The following ELMOD1 variants were observed in gnomAD, a reference collection of about 807,000 sequenced individuals.
The protein encoded by ELMOD1 is ELMO domain-containing protein 1.
In ELMOD1, 21 loss-of-function variants were observed where a neutral mutation model predicts 46.7. That is an observed-to-expected ratio of 0.45 (90% CI 0.32 to 0.65). The LOEUF (loss-of-function observed/expected upper bound fraction) is 0.65. Ranked by LOEUF, ELMOD1 falls within the 30% of genes least tolerant of loss-of-function variation. The pLI, the probability that ELMOD1 is intolerant of heterozygous loss-of-function variation, is 0.04. For synonymous variants in ELMOD1, 122 were observed against 138.2 expected (o/e 0.88, Z 0.82); for missense variants, 348 against 407.8 (o/e 0.85, Z 1.26).
At chr11:107,624,974 A>G (rs1365959802) in intron 2 of ELMOD1, among the ~76,000 whole-genome samples, 3 of 152,060 alleles carry the variant, frequency 2.0e-5, no homozygotes, top group Non-Finnish European at 4.4e-5. Flanking sequence ...ATGTGAAAAA[A>G]CCACAGGGCC....
intron 11 of ELMOD1, among the ~76,000 whole-genome samples, chr11:107,657,108 T>C (rs1866647971): frequency 1.3e-5 from 2 of 151,844 alleles, no homozygotes; most frequent in African/African-American, 4.8e-5. Context: ...CACACCAAGG[T>C]TCTAATCATT....
At chr11:107,609,958 T>C (rs1318310940) in intron 1 of ELMOD1, among the ~76,000 whole-genome samples, 3 of 152,140 alleles carry the variant, frequency 2.0e-5, no homozygotes, top group African/African-American at 7.2e-5. Flanking sequence ...AATTGGGAGA[T>C]TTGCAGTTTG....
chr11:107,613,865 A>G (rs774752776), intron 1 of ELMOD1, among the ~76,000 whole-genome samples: 4 of 152,222 alleles, frequency 2.6e-5, no homozygotes, highest in Admixed American at 1.3e-4. Flanking sequence ...CTTCTGAACT[A>G]TGGTTTTAAT....
intron 1 of ELMOD1, among the ~76,000 whole-genome samples, chr11:107,595,227 A>G (rs1865473181): frequency 6.6e-6 from 1 of 151,318 alleles, no homozygotes; most frequent in South Asian, 2.1e-4. Flanking sequence ...TTAAATTTCC[A>G]CTTCAATTTT....
At chr11:107,597,098 A>G (rs1470701659) in intron 1 of ELMOD1, among the ~76,000 whole-genome samples, 1 of 152,182 alleles carries the variant, frequency 6.6e-6, no homozygotes, top group African/African-American at 2.4e-5. Context: ...GGTCTACCTT[A>G]CAGCTCTTTA....
intron 1 of ELMOD1, among the ~76,000 whole-genome samples, chr11:107,599,753 A>G (rs1466246444): frequency 7.4e-6 from 1 of 134,426 alleles, no homozygotes; most frequent in Non-Finnish European, 1.5e-5. Flanking sequence ...AAAAAAAAAG[A>G]AAAAAAGAAA....
intron 1 of ELMOD1, among the ~76,000 whole-genome samples, chr11:107,607,495 A>G (rs1433978168): frequency 6.6e-6 from 1 of 152,034 alleles, no homozygotes; most frequent in Non-Finnish European, 1.5e-5. Flanking sequence ...TGTTTCTACA[A>G]AAAAATACAA....
intron 6 of ELMOD1, among the ~76,000 whole-genome samples, chr11:107,638,652 G>T (rs1866269084): frequency 6.6e-6 from 1 of 152,162 alleles, no homozygotes; most frequent in East Asian, 1.9e-4. Context: ...ACTGTTTAGA[G>T]CAAAAGTCAG....
rs190904562 is a variant in ELMOD1 at position 107,593,740 on chromosome 11, C to T, written c.-86+2331C>T. ...CCTATGTCCCATGTAATATTTGGTA[C>T]GAACTTATACTACAAAATATTATTA... On this transcript the variant is annotated intron_variant, in intron 1 of 11. Coordinates refer to ENST00000265840, the MANE Select transcript of ELMOD1 (RefSeq NM_018712.4). Among the ~76,000 whole-genome samples, 324 of 152,232 alleles carry T rather than the reference C, an allele frequency of 2.1e-3. 1 individual carries two copies. Among genetic ancestry groups the T allele is most frequent in the African/African-American group, 7.5e-3 (311 of 41,540 alleles).
chr11:107,629,773 T>A (rs1053845152), intron 2 of ELMOD1, among the ~76,000 whole-genome samples: 1 of 152,090 alleles, frequency 6.6e-6, no homozygotes, highest in Non-Finnish European at 1.5e-5. Flanking sequence ...AAATCAAAGG[T>A]CAAGGGTGCT....
intron 1 of ELMOD1, among the ~76,000 whole-genome samples, chr11:107,605,702 A>C (rs1480928805): frequency 2.0e-5 from 3 of 152,158 alleles, no homozygotes; most frequent in Non-Finnish European, 4.4e-5. Flanking sequence ...ACTCTGGATG[A>C]GTGTTTTATT....
intron 1 of ELMOD1, among the ~76,000 whole-genome samples, chr11:107,608,718 A>T (rs2135663343): frequency 6.6e-6 from 1 of 152,302 alleles, no homozygotes; most frequent in Middle Eastern, 3.4e-3. Context: ...AAACTTCTAG[A>T]TCTGTAATAC....
In ELMOD1 at chr11:107,621,121, A is replaced by C. The variant is rs1865940524; in HGVS notation, c.17+2915A>C. Among the ~76,000 whole-genome samples the C allele has an allele frequency of 2.0e-5, 3 of 152,262 alleles. No homozygotes were observed. In the South Asian group the frequency reaches 6.2e-4, roughly 31 times the overall value. On this transcript the variant is annotated intron_variant, in intron 2 of 11. Transcript: ENST00000265840. ...TGAGGTTATATTTTTTAAAGTTATC[A>C]GAACATGATTAATTTTGGAAATTAA...
chr11:107,647,833 T>A (rs1351109772), intron 7 of ELMOD1, among the ~76,000 whole-genome samples: 1 of 152,156 alleles, frequency 6.6e-6, no homozygotes, highest in Admixed American at 6.6e-5. Flanking sequence ...ATTTAAAAAA[T>A]TGTTTTATTA....
intron 1 of ELMOD1, among the ~76,000 whole-genome samples, chr11:107,602,387 C>G (rs1865615369): frequency 6.6e-6 from 1 of 152,056 alleles, no homozygotes; most frequent in Non-Finnish European, 1.5e-5. Context: ...GGAGAGTTTC[C>G]TGTATTATTT....
intron 7 of ELMOD1, among the ~76,000 whole-genome samples, chr11:107,649,401 A>G (rs1591133240): frequency 6.6e-6 from 1 of 152,346 alleles, no homozygotes; most frequent in East Asian, 1.9e-4. Flanking sequence ...GATAAGCCCC[A>G]TAAACAAAGT....
Position 107,662,478 on chromosome 11 carries a change from C to T in ELMOD1, c.833-2547C>T, listed in dbSNP as rs193188716. Among the ~76,000 whole-genome samples, 689 of 149,612 alleles carry T rather than the reference C, an allele frequency of 4.6e-3. 7 individuals are homozygous for T. The highest frequency in any genetic ancestry group is 6.7e-3 in the Non-Finnish European group (458 of 67,934). On this transcript the variant is annotated intron_variant, in intron 11 of 11. Transcript: ENST00000265840. ...ATACAAAATCAGCCAGGCGTGGTGG[C>T]GCATGCCTGTAATCCCAGCTACTCA...
At chr11:107,615,790 T>C (rs1865852247) in intron 1 of ELMOD1, among the ~76,000 whole-genome samples, 1 of 152,058 alleles carries the variant, frequency 6.6e-6, no homozygotes. Context: ...TGAGGGGTAC[T>C]GATTAGATAT....
chr11:107,611,085 C>T lies in ELMOD1; in HGVS notation c.-85-7020C>T, dbSNP rs372971016. On this transcript the variant is annotated intron_variant, in intron 1 of 11. Coordinates refer to ENST00000265840, the MANE Select transcript of ELMOD1 (RefSeq NM_018712.4). ...GAATTTATGACTAAGTCTTCAAAAGCAATTGCAACAAAAAACAAAAATTGA... is the reference window on the plus strand; with the variant it reads ...GAATTTATGACTAAGTCTTCAAAAGTAATTGCAACAAAAAACAAAAATTGA... 3.4e-5 allele frequency among the ~76,000 whole-genome samples: 5 copies of T among 148,374 alleles called. No individual in the cohort carries two copies. The East Asian group carries it at 9.9e-4, about 29-fold the overall frequency.
Sources: gnomAD v4.1 joint callset for allele counts (sites outside exome capture counted in the v4.1 genomes callset) on GRCh38, gnomAD v4.1.1 for gene constraint, MANE v1.5 for transcripts, NCBI Gene and HGNC (gene_info 2026-07-23, HGNC 2026-07-21) for gene names.